Variants in KLHL3 observed in about 807,000 individuals in gnomAD.
KLHL3 encodes kelch like family member 3.
A neutral mutation model predicts 70.5 loss-of-function variants in KLHL3; 19 were observed. The observed-to-expected ratio is 0.27, with a 90% CI of 0.19 to 0.40. The LOEUF (loss-of-function observed/expected upper bound fraction) is 0.40. KLHL3 is among the 10% of genes least tolerant of loss of function. The pLI, the probability that KLHL3 is intolerant of heterozygous loss-of-function variation, is 1.00. For synonymous variants in KLHL3, 258 were observed against 290.3 expected, an observed-to-expected ratio of 0.89 and a Z score of 1.13; for missense variants, 512 against 771.1, an observed-to-expected ratio of 0.66 and a Z score of 3.98.
chr5:137,728,980 T>TAAAAAAAAAAAAAGA (rs1753128445), intron 1 of KLHL3, among the ~76,000 whole-genome samples: 1 of 128,114 alleles, frequency 7.8e-6, no homozygotes, highest in South Asian at 2.5e-4. Flanking sequence ...AAATAAAAGT[T>TAAAAAAAAAAAAAGA]AAAAAAAAAA....
intron 6 of KLHL3, chr5:137,672,551 C>T (rs947815241): frequency 1.3e-5 from 2 of 152,112 alleles, no homozygotes; most frequent in African/African-American, 4.8e-5. Flanking sequence ...TCTTCCTGAC[C>T]GGTATCTAAA....
At chr5:137,689,803 G>A (rs1313817326) in intron 5 of KLHL3, among the ~76,000 whole-genome samples, 3 of 152,288 alleles carry the variant, frequency 2.0e-5, no homozygotes, top group African/African-American at 7.2e-5. Context: ...TGTACCTCTT[G>A]AATCTAGAAT....
At chr5:137,662,273 ACACACACACAC>A (rs1281303849) in intron 6 of KLHL3, among the ~76,000 whole-genome samples, 31 of 151,710 alleles carry the variant, frequency 2.0e-4, no homozygotes, top group African/African-American at 7.3e-4. Flanking sequence ...ACACACACAC[ACACACACACAC>A]AAGGACAAAC....
chr5:137,724,184 G>C (rs1753049729), intron 1 of KLHL3, among the ~76,000 whole-genome samples: 1 of 152,210 alleles, frequency 6.6e-6, no homozygotes. Context: ...TCAAACTGTG[G>C]AGAGACTTAA....
chr5:137,715,694 T>C (rs946511121), intron 2 of KLHL3, among the ~76,000 whole-genome samples: 2 of 152,208 alleles, frequency 1.3e-5, no homozygotes, highest in African/African-American at 4.8e-5. Context: ...GAATATTCAT[T>C]ATGTGCCAGG....
In KLHL3 at chr5:137,659,207, C is replaced by T. The variant is rs78511934; in HGVS notation, c.754-927G>A. Among the ~76,000 whole-genome samples the T allele has an allele frequency of 2.8e-3, 420 of 152,236 alleles. 1 individual carries two copies. The highest frequency in any genetic ancestry group is 9.7e-3 in the African/African-American group (404 of 41,546). On this transcript the variant is annotated intron_variant, in intron 7 of 14. Coordinates refer to ENST00000309755, the MANE Select transcript of KLHL3 (RefSeq NM_017415.3). ...CTGGTTGGGCAGCCCTGTGCTGGTC[C>T]CCAGGAAGAAAATGATGAACAAGAC...
chr5:137,618,424 A>G lies in KLHL3; in HGVS notation c.*3674T>C, dbSNP rs982807401. On this transcript the variant is annotated 3_prime_UTR_variant, in exon 15 of 15. Coordinates refer to ENST00000309755, the MANE Select transcript of KLHL3 (RefSeq NM_017415.3). ...CCTGGAGTAGAGACATAGCTCAAGAAGCAAGTTGTAAGTGTAGTGTGAGCA... is the reference window on the plus strand; with the variant it reads ...CCTGGAGTAGAGACATAGCTCAAGAGGCAAGTTGTAAGTGTAGTGTGAGCA... 6.6e-6 allele frequency: 1 copy of G among 152,214 alleles called. No homozygotes were observed. The highest frequency in any genetic ancestry group is 2.4e-5 in the African/African-American group (1 of 41,460). 9.4% of individuals were successfully genotyped at this position (152,214 alleles called of 1,614,324 possible).
rs1379809468 is a variant in KLHL3 at position 137,625,688 on chromosome 5, C to T, written c.1735+65G>A. On this transcript the variant is annotated intron_variant, in intron 14 of 14. Transcript: ENST00000309755. ...ACATCCCCTCATCCCACTGGCCCACCCAACCCTCATTCCCCCAGTGTGTTG... is the reference window on the plus strand; with the variant it reads ...ACATCCCCTCATCCCACTGGCCCACTCAACCCTCATTCCCCCAGTGTGTTG... 2.5e-6 allele frequency: 4 copies of T among 1,593,868 alleles called. No homozygotes were observed. The African/African-American group carries it at 5.4e-5, about 21-fold the overall frequency.
At chr5:137,684,072 G>C (rs1752103641) in intron 5 of KLHL3, among the ~76,000 whole-genome samples, 1 of 152,150 alleles carries the variant, frequency 6.6e-6, no homozygotes, top group Admixed American at 6.5e-5. Flanking sequence ...TAAGTAGCGG[G>C]GCTTAGGACA....
At chr5:137,704,370 C>T (rs1486439745) in intron 3 of KLHL3, among the ~76,000 whole-genome samples, 3 of 150,480 alleles carry the variant, frequency 2.0e-5, no homozygotes, top group Non-Finnish European at 3.0e-5. Flanking sequence ...CCGGCCTGGG[C>T]GACAGAGCAA....
At chr5:137,694,414 C>T (rs1752396902) in intron 4 of KLHL3, among the ~76,000 whole-genome samples, 1 of 152,184 alleles carries the variant, frequency 6.6e-6, no homozygotes. Flanking sequence ...AGCCAGGATC[C>T]AAATCTAACC....
intron 6 of KLHL3, among the ~76,000 whole-genome samples, chr5:137,666,073 T>C (rs1179656718): frequency 6.6e-6 from 1 of 152,226 alleles, no homozygotes; most frequent in Non-Finnish European, 1.5e-5. Flanking sequence ...TGAACGACTA[T>C]GTTTCTTCCA....
chr5:137,647,583 C>T (rs1446192295), intron 8 of KLHL3: 3 of 472,162 alleles, frequency 6.4e-6, no homozygotes, highest in Non-Finnish European at 1.3e-5. Flanking sequence ...CCCAGCCAGT[C>T]GGTCCCTCGG....
At chr5:137,717,348 C>G (rs1013711791) in intron 2 of KLHL3, among the ~76,000 whole-genome samples, 2 of 152,200 alleles carry the variant, frequency 1.3e-5, no homozygotes. Flanking sequence ...TAGCTACAGA[C>G]TTGTCGCCAT....
At chr5:137,697,161 C>CTTT (rs57501372) in intron 4 of KLHL3, among the ~76,000 whole-genome samples, 1 of 146,690 alleles carries the variant, frequency 6.8e-6, no homozygotes. Flanking sequence ...TCTTCCCAAT[C>CTTT]TTTTTTTTTT....
chr5:137,641,787 A>G (rs538168734), intron 8 of KLHL3, among the ~76,000 whole-genome samples: 1 of 152,240 alleles, frequency 6.6e-6, no homozygotes, highest in Non-Finnish European at 1.5e-5. Context: ...GTGGGTAACC[A>G]GTGTTCAAAA....
intron 6 of KLHL3, among the ~76,000 whole-genome samples, chr5:137,665,854 G>C (rs1466869356): frequency 6.6e-6 from 1 of 152,012 alleles, no homozygotes; most frequent in Non-Finnish European, 1.5e-5. Context: ...GGAAAGGAAA[G>C]GGAAGGGGAA....
intron 1 of KLHL3, among the ~76,000 whole-genome samples, chr5:137,727,766 C>T (rs1224370421): frequency 6.6e-6 from 1 of 152,134 alleles, no homozygotes; most frequent in African/African-American, 2.4e-5. Context: ...TCTGTATTCC[C>T]ACAGTACTGT....
intron 6 of KLHL3, among the ~76,000 whole-genome samples, 167 bp from the exon 7 acceptor site, chr5:137,662,198 T>G (rs1159754867): frequency 2.7e-5 from 4 of 149,438 alleles, no homozygotes; most frequent in Non-Finnish European, 4.4e-5. Context: ...CAGAAAGGGT[T>G]TGTTTACTTG....
Sources: allele counts gnomAD v4.1 joint callset (sites outside exome capture counted in the v4.1 genomes callset), GRCh38; gene constraint gnomAD v4.1.1; transcripts MANE v1.5; gene names NCBI Gene and HGNC (gene_info 2026-07-23, HGNC 2026-07-21).